DOCK2: variants seen among roughly 807,000 people sequenced by gnomAD.
The protein encoded by DOCK2 is dedicator of cytokinesis 2.
In DOCK2, 87 loss-of-function variants were observed where a neutral mutation model predicts 248.9. That is an observed-to-expected ratio of 0.35 (90% CI 0.29 to 0.42). DOCK2 has a LOEUF of 0.42. Ranked by LOEUF, DOCK2 falls within the 10% of genes least tolerant of loss-of-function variation. The probability of loss-of-function intolerance (pLI) is 1.00; values close to 1 mark genes in which losing one functional copy is unlikely to be tolerated. For missense variants in DOCK2, 1,747 were observed against 2,300.2 expected (o/e 0.76, Z 4.92); for synonymous variants, 805 against 821.6 (o/e 0.98, Z 0.35).
chr5:169,816,933 C>A (rs1331715652), intron 26 of DOCK2, among the ~76,000 whole-genome samples: 2 of 152,198 alleles, frequency 1.3e-5, no homozygotes, highest in African/African-American at 4.8e-5. Flanking sequence ...AAGCCTCCAA[C>A]TGGTGGTTTA....
intron 10 of DOCK2, 109 bp from the exon 11 acceptor site, chr5:169,698,265 C>T: frequency 1.8e-6 from 2 of 1,103,862 alleles, no homozygotes; most frequent in East Asian, 5.3e-5. Flanking sequence ...GCCTTCCTGA[C>T]CCCCAGGCAT....
intron 27 of DOCK2, among the ~76,000 whole-genome samples, chr5:169,895,855 A>G (rs1561803916): frequency 2.0e-5 from 3 of 152,218 alleles, no homozygotes; most frequent in Non-Finnish European, 2.9e-5. Context: ...TGCCTGGCAC[A>G]TAATAGATAT....
chr5:169,750,661 G>A (rs1352533276), intron 23 of DOCK2, among the ~76,000 whole-genome samples: 3 of 152,180 alleles, frequency 2.0e-5, no homozygotes, highest in African/African-American at 7.2e-5. Flanking sequence ...TGTTCTCATA[G>A]ATTTCCACTC....
At chr5:170,025,901 A>T (rs1047994668) in intron 33 of DOCK2, among the ~76,000 whole-genome samples, 4 of 149,398 alleles carry the variant, frequency 2.7e-5, no homozygotes, top group Admixed American at 1.4e-4. Context: ...GCTCAAGCTG[A>T]ACTGCTGTCT....
At chr5:169,863,972 C>A (rs1186720463) in intron 27 of DOCK2, among the ~76,000 whole-genome samples, 1 of 152,078 alleles carries the variant, frequency 6.6e-6, no homozygotes, top group African/African-American at 2.4e-5. Flanking sequence ...GGGTTTTGCT[C>A]GTGGTGGGAA....
chr5:169,790,203 T>C (rs1313374300), intron 25 of DOCK2, among the ~76,000 whole-genome samples: 4 of 152,212 alleles, frequency 2.6e-5, no homozygotes, highest in African/African-American at 9.6e-5. Flanking sequence ...ACAAGAGGCT[T>C]TTAATGCATG....
At chr5:169,779,206 G>A (rs1010043385) in intron 25 of DOCK2, 2 of 152,230 alleles carry the variant, frequency 1.3e-5, no homozygotes, top group Non-Finnish European at 2.9e-5. Flanking sequence ...AAAAGGCCCT[G>A]AAAGAGGAAG....
rs1026601403 is a variant in DOCK2 at position 169,917,836 on chromosome 5, A to G, written c.2800-65232A>G. 1.8e-4 allele frequency among the ~76,000 whole-genome samples: 28 copies of G among 152,296 alleles called. No homozygotes were observed. The Middle Eastern group carries it at 0.01, about 56-fold the overall frequency. On this transcript the variant is annotated intron_variant, in intron 27 of 51. Transcript: ENST00000520908. The stretch of plus-strand genomic sequence containing the variant: ...TAAGACTGGTAATTAAGGAGGAGTT[A>G]TTGTGCTAAAGCTGGTCTTCCCTTT...
intron 26 of DOCK2, among the ~76,000 whole-genome samples, chr5:169,840,166 C>T (rs771936335): frequency 5.3e-5 from 8 of 152,116 alleles, no homozygotes; most frequent in East Asian, 1.9e-4. Flanking sequence ...CTTTTACTCA[C>T]GGTAGAAGGC....
intron 26 of DOCK2, among the ~76,000 whole-genome samples, chr5:169,836,163 AAAGTAG>A (rs1449199638): frequency 7.9e-5 from 12 of 152,234 alleles, no homozygotes; most frequent in African/African-American, 2.9e-4. Context: ...CATTTGTGTA[AAAGTAG>A]ATTTCTCAAA....
chr5:169,843,651 G>A (rs141988082), intron 27 of DOCK2, among the ~76,000 whole-genome samples: 2 of 152,282 alleles, frequency 1.3e-5, no homozygotes, highest in East Asian at 1.9e-4. Context: ...AACCATCACC[G>A]TAATTCAGTT....
chr5:169,692,825 C>A (rs80239730), intron 9 of DOCK2, among the ~76,000 whole-genome samples: 2,564 of 152,258 alleles, frequency 0.017, 74 homozygotes, highest in African/African-American at 0.058. Context: ...ACTGTCTTCT[C>A]CCTGAGTCTT....
At chr5:169,688,742 A>T (rs1373814370) in intron 8 of DOCK2, among the ~76,000 whole-genome samples, 1 of 152,212 alleles carries the variant, frequency 6.6e-6, no homozygotes, top group African/African-American at 2.4e-5. Flanking sequence ...TGTATCTTAG[A>T]TAATGGCTGA....
At chr5:169,795,067 C>CA (rs1766563792) in intron 25 of DOCK2, among the ~76,000 whole-genome samples, 1 of 152,230 alleles carries the variant, frequency 6.6e-6, no homozygotes, top group Admixed American at 6.5e-5. Context: ...AGTTACATGT[C>CA]AGTCCACCCT....
Position 169,813,649 on chromosome 5 carries a change from A to T in DOCK2, c.2703+10443A>T, listed in dbSNP as rs185879770. On this transcript the variant is annotated intron_variant, in intron 26 of 51. Transcript: ENST00000520908. ...TCTCAAGGGACTTGGCAAAGCCAGT[A>T]TGCTCCAGGGATGTAGTGTTTTTAA... 2.0e-5 allele frequency among the ~76,000 whole-genome samples: 3 copies of T among 152,342 alleles called. No individual in the cohort carries two copies. The East Asian group carries it at 5.8e-4, about 29-fold the overall frequency.
chr5:169,743,056 G>T lies in DOCK2; in HGVS notation c.2268-4340G>T, dbSNP rs140416502. Among the ~76,000 whole-genome samples, 31 of 152,302 alleles carry T rather than the reference G, an allele frequency of 2.0e-4. No individual in the cohort carries two copies. The East Asian group carries it at 5.8e-3, about 28-fold the overall frequency. On this transcript the variant is annotated intron_variant, in intron 22 of 51. Coordinates refer to ENST00000520908, the MANE Select transcript of DOCK2 (RefSeq NM_004946.3). Reference sequence around the variant, plus strand: ...CCTGAAGCTGTAACAGAGATCAAGCGCTAAAAAAGAACCTGGAAGCTACAT... The same window carrying T: ...CCTGAAGCTGTAACAGAGATCAAGCTCTAAAAAAGAACCTGGAAGCTACAT...
intron 25 of DOCK2, among the ~76,000 whole-genome samples, chr5:169,801,449 T>C (rs1766985175): frequency 6.6e-6 from 1 of 152,166 alleles, no homozygotes. Flanking sequence ...CCTTAGTCAC[T>C]AGGAGAATTT....
intron 25 of DOCK2, among the ~76,000 whole-genome samples, chr5:169,791,356 G>T (rs539555352): frequency 1.3e-5 from 2 of 152,320 alleles, no homozygotes; most frequent in Non-Finnish European, 2.9e-5. Flanking sequence ...AAAAATGAAA[G>T]AAGTGAATGA....
intron 45 of DOCK2, 57 bp from the exon 46 acceptor site, chr5:170,069,080 T>C (rs1757591777): frequency 1.3e-6 from 2 of 1,507,280 alleles, no homozygotes; most frequent in Non-Finnish European, 1.8e-6. Context: ...GCCAAAGAGA[T>C]TGGCTGTGAA....
Sources: gnomAD v4.1 joint callset for allele counts (sites outside exome capture counted in the v4.1 genomes callset) on GRCh38, gnomAD v4.1.1 for gene constraint, MANE v1.5 for transcripts, NCBI Gene and HGNC (gene_info 2026-07-23, HGNC 2026-07-21) for gene names.